Variants in FHIT observed in about 807,000 individuals in gnomAD.
The protein encoded by FHIT is bis(5'-adenosyl)-triphosphatase.
A neutral mutation model predicts 17.9 loss-of-function variants in FHIT; 19 were observed. The ratio of observed to expected loss-of-function variants is 1.06; its 90% CI spans 0.74 to 1.56. FHIT has a LOEUF of 1.56. Ranked by LOEUF, FHIT falls within the 40% of genes most tolerant of loss-of-function variation. The probability of loss-of-function intolerance (pLI) is 0.00; values close to 1 mark genes in which losing one functional copy is unlikely to be tolerated. For synonymous variants in FHIT, 81 were observed against 69.7 expected, an observed-to-expected ratio of 1.16 and a Z score of -0.81; for missense variants, 248 against 189.2, an observed-to-expected ratio of 1.31 and a Z score of -1.82.
intron 3 of FHIT, among the ~76,000 whole-genome samples, chr3:61,028,681 T>C (rs1401377826): frequency 6.6e-6 from 1 of 152,114 alleles, no homozygotes; most frequent in East Asian, 1.9e-4. Flanking sequence ...CAGAGCACTG[T>C]AGTGAGGATC....
chr3:61,134,801 AC>A (rs1237192546), intron 2 of FHIT, among the ~76,000 whole-genome samples: 2 of 152,156 alleles, frequency 1.3e-5, no homozygotes, highest in African/African-American at 4.8e-5. Context: ...TTTGGCCAGA[AC>A]CTCCAGAGAA....
intron 5 of FHIT, among the ~76,000 whole-genome samples, chr3:60,476,400 C>T (rs1170933536): frequency 1.3e-5 from 2 of 152,124 alleles, no homozygotes; most frequent in African/African-American, 2.4e-5. Context: ...CAAATCCAGA[C>T]ATAAGAGAAA....
chr3:59,986,534 T>TACACAC (rs1288319088), intron 7 of FHIT, among the ~76,000 whole-genome samples: 1 of 11,892 alleles, frequency 8.4e-5, no homozygotes, highest in African/African-American at 4.5e-4. Flanking sequence ...TATATATATA[T>TACACAC]ATATATACAC....
intron 5 of FHIT, among the ~76,000 whole-genome samples, chr3:60,467,746 T>C (rs779731599): frequency 3.3e-5 from 5 of 152,068 alleles, no homozygotes; most frequent in Non-Finnish European, 7.4e-5. Flanking sequence ...ATATGGTCTT[T>C]CCTCGAGAAT....
At chr3:60,851,005 C>A (rs1321627435) in intron 3 of FHIT, among the ~76,000 whole-genome samples, 1 of 152,116 alleles carries the variant, frequency 6.6e-6, no homozygotes, top group Non-Finnish European at 1.5e-5. Context: ...CCCATATACA[C>A]ACATACACAA....
At chr3:61,186,937 T>G (rs2038533388) in intron 2 of FHIT, among the ~76,000 whole-genome samples, 1 of 152,188 alleles carries the variant, frequency 6.6e-6, no homozygotes, top group Admixed American at 6.5e-5. Flanking sequence ...GCCTGCTATG[T>G]TTTGCCTCTT....
intron 8 of FHIT, among the ~76,000 whole-genome samples, chr3:59,816,604 G>C (rs547279122): frequency 2.6e-4 from 40 of 152,244 alleles, no homozygotes; most frequent in African/African-American, 9.4e-4. Flanking sequence ...CAGGGAGCAG[G>C]AAAGTGGAGC....
chr3:59,900,164 G>A lies in FHIT; in HGVS notation c.348+22182C>T, dbSNP rs144844662. On this transcript the variant is annotated intron_variant, in intron 8 of 9. Coordinates refer to ENST00000492590, the MANE Select transcript of FHIT (RefSeq NM_002012.4). ...TGGATTCCCCACTCTGGTAGCCACA[G>A]TCCTCTGAGGTAAAGGCCTGGACAG... Among the ~76,000 whole-genome samples the A allele has an allele frequency of 5.7e-3, 874 of 152,248 alleles. 9 individuals are homozygous for A. The highest frequency in any genetic ancestry group is 0.026 in the Admixed American group (403 of 15,292).
chr3:60,584,046 G>A (rs782098063), intron 4 of FHIT, among the ~76,000 whole-genome samples: 2 of 152,174 alleles, frequency 1.3e-5, no homozygotes, highest in Admixed American at 6.5e-5. Context: ...GCTCCTCACA[G>A]CTGCAGATAC....
At chr3:60,470,642 T>A (rs2033039962) in intron 5 of FHIT, among the ~76,000 whole-genome samples, 1 of 152,016 alleles carries the variant, frequency 6.6e-6, no homozygotes, top group Non-Finnish European at 1.5e-5. Context: ...GGTCCAGGAA[T>A]GTCATTCAGG....
chr3:60,370,867 T>C (rs1005752129), intron 5 of FHIT, among the ~76,000 whole-genome samples: 3 of 152,242 alleles, frequency 2.0e-5, no homozygotes, highest in Non-Finnish European at 4.4e-5. Context: ...TGTTTTAAAA[T>C]GTACTAAGTA....
At chr3:61,230,403 A>T (rs186905895) in intron 1 of FHIT, among the ~76,000 whole-genome samples, 6 of 152,194 alleles carry the variant, frequency 3.9e-5, no homozygotes, top group African/African-American at 1.2e-4. Flanking sequence ...GCCTGCTCCC[A>T]TTTTGTCTTC....
chr3:60,861,213 T>TATATCATATC (rs1553752429), intron 3 of FHIT, among the ~76,000 whole-genome samples: 3 of 9,888 alleles, frequency 3.0e-4, no homozygotes, highest in Non-Finnish European at 8.4e-4. Flanking sequence ...ATATATATGA[T>TATATCATATC]ATATATGATA....
chr3:61,239,405 T>A (rs1576280834), intron 1 of FHIT, among the ~76,000 whole-genome samples: 1 of 152,176 alleles, frequency 6.6e-6, no homozygotes, highest in African/African-American at 2.4e-5. Flanking sequence ...TGGTATAGGC[T>A]ATTCCTTCTG....
chr3:61,142,707 T>A (rs2037121029), intron 2 of FHIT, among the ~76,000 whole-genome samples: 1 of 152,240 alleles, frequency 6.6e-6, no homozygotes, highest in Non-Finnish European at 1.5e-5. Context: ...TATCTGTACA[T>A]TAACATTTTT....
At chr3:61,247,363 A>G (rs1232005457) in intron 1 of FHIT, among the ~76,000 whole-genome samples, 1 of 152,102 alleles carries the variant, frequency 6.6e-6, no homozygotes, top group East Asian at 1.9e-4. Context: ...CCCCACGGTC[A>G]TTGCCCCAGG....
At chr3:60,202,909 A>T (rs1702981360) in intron 5 of FHIT, among the ~76,000 whole-genome samples, 1 of 152,054 alleles carries the variant, frequency 6.6e-6, no homozygotes. Context: ...CCCATGCCCT[A>T]CTTTGTCTAT....
intron 3 of FHIT, among the ~76,000 whole-genome samples, chr3:60,897,258 A>T (rs1490275533): frequency 6.6e-6 from 1 of 152,202 alleles, no homozygotes; most frequent in East Asian, 1.9e-4. Flanking sequence ...ACATATTTTC[A>T]TATACTTAAG....
intron 3 of FHIT, among the ~76,000 whole-genome samples, chr3:60,917,954 G>C (rs1322405835): frequency 6.6e-6 from 1 of 152,188 alleles, no homozygotes; most frequent in Non-Finnish European, 1.5e-5. Context: ...TGGTTTGGTT[G>C]TGTGCCCACC....
Sources: allele counts gnomAD v4.1 joint callset (sites outside exome capture counted in the v4.1 genomes callset), GRCh38; gene constraint gnomAD v4.1.1; transcripts MANE v1.5; gene names NCBI Gene and HGNC (gene_info 2026-07-23, HGNC 2026-07-21).